Variants in ZNF385B observed in about 807,000 individuals in gnomAD.
The protein encoded by ZNF385B is zinc finger protein 533.
Under a neutral mutation model 39.2 loss-of-function variants are expected in ZNF385B, and 23 were observed. That is an observed-to-expected ratio of 0.59 (90% CI 0.42 to 0.83). The LOEUF (loss-of-function observed/expected upper bound fraction) is 0.83. Among genes scored for constraint, ZNF385B ranks in the 40% least tolerant of loss-of-function variants. ZNF385B has a pLI of 0.00. For synonymous variants in ZNF385B, 205 were observed against 222.6 expected (o/e 0.92, Z 0.70); for missense variants, 552 against 598.9 (o/e 0.92, Z 0.82).
At chr2:179,544,785 G>A (rs2105907066) in intron 4 of ZNF385B, 42 bp downstream of exon 4, 1 of 1,611,328 alleles carries the variant, frequency 6.2e-7, no homozygotes, top group East Asian at 2.2e-5. Context: ...TAATGAAATT[G>A]ATGGAGGAGG....
chr2:179,496,941 T>C (rs1574455906), intron 5 of ZNF385B, among the ~76,000 whole-genome samples: 1 of 152,070 alleles, frequency 6.6e-6, no homozygotes, highest in Admixed American at 6.6e-5. Context: ...CCCAGCTACT[T>C]GAGAGGCTGA....
chr2:179,573,443 C>CA (rs1226075069), intron 3 of ZNF385B, among the ~76,000 whole-genome samples: 2 of 151,038 alleles, frequency 1.3e-5, no homozygotes, highest in Non-Finnish European at 3.0e-5. Context: ...AAAGAAAAAC[C>CA]AAAAAAACAA....
chr2:179,563,209 CAT>C (rs575012598), intron 3 of ZNF385B, among the ~76,000 whole-genome samples: 3 of 152,122 alleles, frequency 2.0e-5, no homozygotes, highest in Non-Finnish European at 4.4e-5. Context: ...TTATTGCTCT[CAT>C]ATCTAATTAA....
intron 4 of ZNF385B, among the ~76,000 whole-genome samples, chr2:179,520,879 A>G (rs1044889505): frequency 6.6e-6 from 1 of 152,216 alleles, no homozygotes; most frequent in South Asian, 2.1e-4. Flanking sequence ...GTACACTTAA[A>G]CAATAAATCA....
intron 5 of ZNF385B, among the ~76,000 whole-genome samples, chr2:179,503,878 C>CTTTT (rs534423777): frequency 6.6e-5 from 8 of 120,322 alleles, no homozygotes; most frequent in African/African-American, 2.2e-4. Flanking sequence ...TTTTTTCATT[C>CTTTT]TTTTTTTTTT....
intron 3 of ZNF385B, among the ~76,000 whole-genome samples, chr2:179,596,436 T>C (rs780066315): frequency 6.6e-6 from 1 of 152,196 alleles, no homozygotes; most frequent in Non-Finnish European, 1.5e-5. Context: ...CTGATATAAT[T>C]TTCTCAAAAA....
intron 3 of ZNF385B, among the ~76,000 whole-genome samples, chr2:179,696,325 A>ATTTTTTTTTTTTTTTTTTT (rs1333224792): frequency 8.1e-4 from 8 of 9,832 alleles, no homozygotes; most frequent in Non-Finnish European, 1.3e-3. Flanking sequence ...ACAAACTGGG[A>ATTTTTTTTTTTTTTTTTTT]CTTTTTTTTT....
chr2:179,544,897 T>G lies in ZNF385B; in HGVS notation c.371A>C (p.Asp124Ala). The G allele has an allele frequency of 6.2e-7, 1 of 1,614,092 alleles. No individual in the cohort carries two copies. The highest frequency in any genetic ancestry group is 8.5e-7 in the Non-Finnish European group (1 of 1,179,962). The change falls in exon 4 of 10, where the codon GAT becomes GCT. Residue 124 changes from aspartate to alanine, a missense_variant. Coordinates refer to ENST00000410066, the MANE Select transcript of ZNF385B (RefSeq NM_152520.6). Reference sequence around the variant, plus strand: ...TGGAAAAGACATAAATGGTTTGATATCCAGTGAAGGCTGCATCATCAGGGT... The same window carrying G: ...TGGAAAAGACATAAATGGTTTGATAGCCAGTGAAGGCTGCATCATCAGGGT... Reference protein sequence around the residue: ...TPTLMMQPSLDIKPFMSFPVD... With the variant: ...TPTLMMQPSLAIKPFMSFPVD...
chr2:179,487,738 C>T (rs558872452), intron 5 of ZNF385B, among the ~76,000 whole-genome samples: 92 of 152,300 alleles, frequency 6.0e-4, no homozygotes, highest in African/African-American at 2.2e-3. Flanking sequence ...TTCTGCTTCC[C>T]CTCCTAAAGT....
At chr2:179,666,417 C>T (rs1322466934) in intron 3 of ZNF385B, among the ~76,000 whole-genome samples, 9 of 152,156 alleles carry the variant, frequency 5.9e-5, no homozygotes, top group Admixed American at 5.9e-4. Flanking sequence ...ATAATTCACA[C>T]ATATAAATTC....
intron 3 of ZNF385B, among the ~76,000 whole-genome samples, chr2:179,678,513 A>G (rs1222565723): frequency 1.3e-5 from 2 of 152,204 alleles, no homozygotes; most frequent in Admixed American, 6.5e-5. Flanking sequence ...GAAGCCATAC[A>G]GGACACTGAG....
intron 3 of ZNF385B, among the ~76,000 whole-genome samples, chr2:179,606,845 T>C (rs1688846749): frequency 6.6e-6 from 1 of 152,168 alleles, no homozygotes; most frequent in Non-Finnish European, 1.5e-5. Context: ...GTAATTTTCA[T>C]AGATTACAGA....
intron 3 of ZNF385B, among the ~76,000 whole-genome samples, chr2:179,679,327 G>A (rs7421166): frequency 0.041 from 6,265 of 152,158 alleles, 176 homozygotes; most frequent in Middle Eastern, 0.058. Flanking sequence ...CTGCAAAATC[G>A]CCTAATGACA....
chr2:179,678,624 G>C (rs1417910635), intron 3 of ZNF385B, among the ~76,000 whole-genome samples: 1 of 152,146 alleles, frequency 6.6e-6, no homozygotes, highest in East Asian at 1.9e-4. Context: ...TGACAAACTA[G>C]GAAAAGAAGA....
intron 3 of ZNF385B, among the ~76,000 whole-genome samples, chr2:179,607,464 T>G (rs1377658886): frequency 6.6e-6 from 1 of 152,184 alleles, no homozygotes. Context: ...TCTGCTGCCA[T>G]GATTGTAAGT....
chr2:179,596,665 A>G (rs1220617521), intron 3 of ZNF385B, among the ~76,000 whole-genome samples: 3 of 152,206 alleles, frequency 2.0e-5, no homozygotes, highest in Non-Finnish European at 4.4e-5. Context: ...AAGTTTCAGC[A>G]AAGAGTTGTA....
chr2:179,498,095 A>G (rs569704228), intron 5 of ZNF385B, among the ~76,000 whole-genome samples: 6 of 152,270 alleles, frequency 3.9e-5, no homozygotes, highest in South Asian at 2.1e-4. Flanking sequence ...AGAGGCCCCA[A>G]TACAATAATA....
chr2:179,448,304 G>T (rs995005771), intron 6 of ZNF385B, among the ~76,000 whole-genome samples: 1 of 151,992 alleles, frequency 6.6e-6, no homozygotes, highest in African/African-American at 2.4e-5. Flanking sequence ...CATCTATAAG[G>T]ATCCCTCAGA....
At chr2:179,446,009 C>T (rs1323579427) in intron 7 of ZNF385B, among the ~76,000 whole-genome samples, 3 of 151,858 alleles carry the variant, frequency 2.0e-5, no homozygotes, top group Non-Finnish European at 4.4e-5. Context: ...TATTTCTTGT[C>T]AGTTTCTTTT....
Sources: gnomAD v4.1 joint callset for allele counts (sites outside exome capture counted in the v4.1 genomes callset) on GRCh38, gnomAD v4.1.1 for gene constraint, MANE v1.5 for transcripts, NCBI Gene and HGNC (gene_info 2026-07-23, HGNC 2026-07-21) for gene names.